FTCDNL1: variants seen among roughly 807,000 people sequenced by gnomAD.
FTCDNL1 encodes the protein formiminotransferase cyclodeaminase N-terminal like, also known as formiminotransferase N-terminal subdomain-containing protein.
FTCDNL1 carries 11 observed loss-of-function variants against 5.9 expected under a neutral mutation model. The ratio of observed to expected loss-of-function variants is 1.87; its 90% CI spans 1.18 to 3.10. FTCDNL1 has a LOEUF of 3.10. Ranked by LOEUF, FTCDNL1 falls within the 30% of genes most tolerant of loss-of-function variation. The pLI is 0.00. For missense variants in FTCDNL1, 115 were observed against 65.5 expected (o/e 1.76, Z -2.61); for synonymous variants, 58 against 24.8 (o/e 2.34, Z -3.99).
intron 3 of FTCDNL1, among the ~76,000 whole-genome samples, chr2:199,787,511 T>C (rs1472306038): frequency 1.3e-5 from 2 of 152,162 alleles, no homozygotes; most frequent in Admixed American, 6.5e-5. Context: ...CTATCCCACG[T>C]AGCCTAACAT....
the FTCDNL1 span, among the ~76,000 whole-genome samples, chr2:199,751,095 T>C: frequency 6.6e-6 from 1 of 152,152 alleles, no homozygotes; most frequent in Non-Finnish European, 1.5e-5. Context: ...TCCCAGCTCA[T>C]CAGTGGAAAG....
chr2:199,827,235 C>T (rs1365779669), intron 3 of FTCDNL1, among the ~76,000 whole-genome samples: 15 of 152,094 alleles, frequency 9.9e-5, no homozygotes, highest in Admixed American at 9.8e-4. Context: ...TAAATGACAC[C>T]ATAAGGAAGC....
the FTCDNL1 span, among the ~76,000 whole-genome samples, chr2:199,710,576 TATA>T: frequency 6.6e-6 from 1 of 152,146 alleles, no homozygotes; most frequent in Admixed American, 6.6e-5. Context: ...GATTCAACTG[TATA>T]ATATTTTTCT....
chr2:199,670,666 A>G, the FTCDNL1 span, among the ~76,000 whole-genome samples: 1 of 152,092 alleles, frequency 6.6e-6, no homozygotes, highest in African/African-American at 2.4e-5. Context: ...GTATATATGT[A>G]TGTATGTGTG....
intron 3 of FTCDNL1, among the ~76,000 whole-genome samples, chr2:199,804,149 TTTTGTAACAATGGATCCTA>T (rs1158480612): frequency 6.6e-6 from 1 of 152,204 alleles, no homozygotes; most frequent in Non-Finnish European, 1.5e-5. Flanking sequence ...AACAATATAG[TTTTGTAACAATGGATCCTA>T]GCTAAACTAC....
intron 3 of FTCDNL1, among the ~76,000 whole-genome samples, chr2:199,800,640 T>A (rs972313742): frequency 6.6e-6 from 1 of 152,234 alleles, no homozygotes; most frequent in Non-Finnish European, 1.5e-5. Flanking sequence ...TTGTCACCTA[T>A]GCAAATGATA....
chr2:199,760,648 T>C lies in FTCDNL1; in HGVS notation c.*165A>G. On this transcript the variant is annotated 3_prime_UTR_variant, in exon 4 of 4. Coordinates refer to the FTCDNL1 transcript ENST00000416668. Reference sequence around the variant, plus strand: ...AAATGTAAATGCAATATACCCTCTATTTAGAATTTAGTAATTCTGGGTATG... The same window carrying C: ...AAATGTAAATGCAATATACCCTCTACTTAGAATTTAGTAATTCTGGGTATG... The C allele has an allele frequency of 5.2e-6, 3 of 573,816 alleles. No homozygotes were observed. In the South Asian group the frequency reaches 6.9e-5, roughly 13 times the overall value. The allele number at this position is 573,816 out of a possible 1,614,324, so 35.5% of individuals were successfully genotyped here. A position where few individuals can be genotyped will look rare whatever the true frequency, so the allele number is the denominator to read the frequency against.
the FTCDNL1 span, among the ~76,000 whole-genome samples, chr2:199,748,385 A>G: frequency 4.3e-3 from 654 of 152,306 alleles, 3 homozygotes; most frequent in Non-Finnish European, 7.9e-3. Context: ...AAACTATGTT[A>G]CCAAAGTATG....
At chr2:199,849,043 A>G (rs983387348) in intron 1 of FTCDNL1, 74 bp from the exon 2 acceptor site, 6 of 655,272 alleles carry the variant, frequency 9.2e-6, no homozygotes, top group South Asian at 3.4e-5. Context: ...TAAAAAAATC[A>G]TAACTTTTTG....
At chr2:199,686,009 G>A in the FTCDNL1 span, among the ~76,000 whole-genome samples, 1 of 152,176 alleles carries the variant, frequency 6.6e-6, no homozygotes, top group Non-Finnish European at 1.5e-5. Flanking sequence ...TGAGAAATGA[G>A]TATACTCTTT....
chr2:199,830,980 G>A (rs1295067151), intron 3 of FTCDNL1, among the ~76,000 whole-genome samples: 2 of 152,134 alleles, frequency 1.3e-5, no homozygotes, highest in Middle Eastern at 3.2e-3. Context: ...TTTTTCTTGA[G>A]GTAGCAGAAA....
chr2:199,735,739 G>T, the FTCDNL1 span, among the ~76,000 whole-genome samples: 1 of 152,176 alleles, frequency 6.6e-6, no homozygotes, highest in African/African-American at 2.4e-5. Context: ...TCGCACTAAG[G>T]CTGTGTCTTA....
intron 3 of FTCDNL1, among the ~76,000 whole-genome samples, chr2:199,772,355 G>A (rs1698855032): frequency 1.3e-5 from 2 of 152,238 alleles, no homozygotes; most frequent in African/African-American, 4.8e-5. Context: ...CGAAACTGCA[G>A]ATAAGGGAGA....
At chr2:199,745,292 A>G in the FTCDNL1 span, among the ~76,000 whole-genome samples, 3 of 152,212 alleles carry the variant, frequency 2.0e-5, no homozygotes, top group East Asian at 5.8e-4. Context: ...TGGAGTTTAC[A>G]TTTTATTGTA....
the FTCDNL1 span, among the ~76,000 whole-genome samples, chr2:199,698,643 T>A: frequency 6.6e-6 from 1 of 152,080 alleles, no homozygotes; most frequent in Non-Finnish European, 1.5e-5. Flanking sequence ...AGAAGGAAAT[T>A]TATAGTGCTA....
rs189212025 is a variant in FTCDNL1, at chr2:199,831,852, G to C, written c.212-12095C>G. Reference sequence around the variant, plus strand: ...TGTGAGGATTCTTTGTTCTATTACTGTCTTGATAGAAAAAACTACAAGTGA... The same window carrying C: ...TGTGAGGATTCTTTGTTCTATTACTCTCTTGATAGAAAAAACTACAAGTGA... On this transcript the variant is annotated intron_variant, in intron 3 of 4. Transcript: ENST00000420128. Among the ~76,000 whole-genome samples, 808 of 152,228 alleles carry C rather than the reference G, an allele frequency of 5.3e-3. 6 individuals carry two copies. Among genetic ancestry groups the C allele is most frequent in the Non-Finnish European group, 6.2e-3 (421 of 68,002 alleles).
At chr2:199,668,569 T>C in the FTCDNL1 span, among the ~76,000 whole-genome samples, 3 of 152,090 alleles carry the variant, frequency 2.0e-5, no homozygotes, top group Non-Finnish European at 4.4e-5. Flanking sequence ...AAGTTTTCAG[T>C]TGACAGAGGA....
At chr2:199,690,414 T>C in the FTCDNL1 span, among the ~76,000 whole-genome samples, 1 of 152,178 alleles carries the variant, frequency 6.6e-6, no homozygotes, top group African/African-American at 2.4e-5. Context: ...GCCCGTTCCA[T>C]TCACTCCCCT....
intron 4 of FTCDNL1, 44 bp from the exon 5 acceptor site, chr2:199,812,768 T>C (rs1204088265): frequency 1.4e-6 from 1 of 693,348 alleles, no homozygotes; most frequent in Non-Finnish European, 2.6e-6. Context: ...TCGTTTTCCA[T>C]GTGTGCTTTA....
Sources: gnomAD v4.1 joint callset for allele counts (sites outside exome capture counted in the v4.1 genomes callset) on GRCh38, gnomAD v4.1.1 for gene constraint, MANE v1.5 for transcripts, NCBI Gene and HGNC (gene_info 2026-07-23, HGNC 2026-07-21) for gene names.